SECISBP2L: variants seen among roughly 807,000 people sequenced by gnomAD.
SECISBP2L encodes the protein SECIS binding protein 2 like.
In SECISBP2L, 43 loss-of-function variants were observed where a neutral mutation model predicts 114.7. That is an observed-to-expected ratio of 0.38 (90% CI 0.29 to 0.48). The LOEUF (loss-of-function observed/expected upper bound fraction) is 0.48. Ranked by LOEUF, SECISBP2L falls within the 20% of genes least tolerant of loss-of-function variation. The pLI, the probability that SECISBP2L is intolerant of heterozygous loss-of-function variation, is 0.98. For synonymous variants in SECISBP2L, 451 were observed against 439.7 expected, an observed-to-expected ratio of 1.03 and a Z score of -0.32; for missense variants, 1,136 against 1,301.1, an observed-to-expected ratio of 0.87 and a Z score of 1.95.
At position 49,019,533 on chromosome 15, in the gene SECISBP2L, C is replaced by G; in HGVS notation, c.1055G>C (p.Gly352Ala). ...NNSQVGFRCR[G>A]HSTSSERRQN... is the part of the protein sequence containing the mutation. The stretch of plus-strand genomic sequence containing the variant: ...TCTTCTTTCTGAGGAAGTACTGTGT[C>G]CTCGGCATCTGAATCCAACCTAAGT... The change falls in exon 8 of 18, where the codon GGA (glycine) becomes GCA (alanine). Residue 352 changes from glycine (G) to alanine (A), a missense_variant. Gly to Ala is a moderately conservative substitution (Grantham distance 60, BLOSUM62 0). This residue lies in a region of SECISBP2L where 452 missense variants were observed against 452.3 expected (regional missense o/e 1.00). Transcript: ENST00000559471. The G allele has an allele frequency of 1.3e-6, 2 of 1,489,124 alleles. 1 individual carries two copies. The highest frequency in any genetic ancestry group is 2.8e-5 in the African/African-American group (2 of 70,406). The allele number at this position is 1,489,124 out of a possible 1,614,324, so 92.2% of individuals were successfully genotyped here. A position where few individuals can be genotyped will look rare whatever the true frequency, so the allele number is the denominator to read the frequency against.
At position 48,992,738 on chromosome 15, in the gene SECISBP2L, A is replaced by C. The variant is rs1293453030; in HGVS notation, c.2812T>G (p.Ser938Ala). 7.4e-6 allele frequency: 12 copies of C among 1,614,022 alleles called. No homozygotes were observed. In the East Asian group the frequency reaches 2.2e-4, roughly 30 times the overall value. Residue 938 changes from serine (S) to alanine (A), a missense_variant, in exon 18 of 18, where the codon TCC becomes GCC. Around this residue, in one of 2 missense-constraint regions of SECISBP2L, gnomAD observed 684 missense variants for 848.7 expected, o/e 0.81. Transcript: ENST00000559471. ...STTSATSAGKSTASDKEEVKP... is the reference protein window; with the variant it reads ...STTSATSAGKATASDKEEVKP... ...ACTTCCTCTTTATCACTTGCTGTGG[A>C]TTTCCCAGCACTTGTAGCTGAGGTA... is the stretch of plus-strand genomic sequence containing the variant.
chr15:49,028,594 G>A lies in SECISBP2L; in HGVS notation c.753C>T (p.Ser251=). 6.2e-7 allele frequency: 1 copy of A among 1,614,044 alleles called. No homozygotes were observed. Among genetic ancestry groups the A allele is most frequent in the Non-Finnish European group, 8.5e-7 (1 of 1,179,982 alleles). ...WKSKGRRRRA[S]HPTAESSSEQ... The stretch of plus-strand genomic sequence containing the variant: ...CACTAGAAGATTCAGCAGTAGGGTG[G>A]GATGCTCTTCTTCTCCTGCCCTTGG... Residue 251 remains serine (S), a synonymous_variant, in exon 5 of 18, where the codon TCC becomes TCT. Coordinates refer to ENST00000559471, the MANE Select transcript of SECISBP2L (RefSeq NM_001193489.2).
chr15:49,016,096 G>A (rs751914744), intron 11 of SECISBP2L, among the ~76,000 whole-genome samples: 1 of 152,202 alleles, frequency 6.6e-6, no homozygotes, highest in Non-Finnish European at 1.5e-5. Context: ...TTAGGAGTCT[G>A]GCTTCATGCC....
intron 16 of SECISBP2L, among the ~76,000 whole-genome samples, chr15:48,997,117 A>G (rs1356691817): frequency 6.6e-6 from 1 of 152,238 alleles, no homozygotes; most frequent in Admixed American, 6.5e-5. Flanking sequence ...AAAAGGTACA[A>G]TTTTGAGGGG....
chr15:49,005,927 A>G (rs911024192), intron 14 of SECISBP2L, among the ~76,000 whole-genome samples: 2 of 151,708 alleles, frequency 1.3e-5, no homozygotes, highest in African/African-American at 4.8e-5. Context: ...TTCCTTCAGG[A>G]GCTCTTGTAA....
rs1411215743 is a variant in SECISBP2L, at chr15:49,046,251, G to A, written c.24+25C>T. The A allele has an allele frequency of 3.2e-6, 5 of 1,566,424 alleles. No individual in the cohort carries two copies. The Admixed American group carries it at 7.4e-5, about 23-fold the overall frequency. On this transcript the variant is annotated intron_variant, in intron 1 of 17. Transcript: ENST00000559471. ...AGCGGCGACCCCAACCCCCGGCTCG[G>A]CGGGCCCAGCCCAAACCCGCGTACC...
rs1168511649 is a variant in SECISBP2L, at chr15:48,992,934, T to C, written c.2624-8A>G. On this transcript the variant is annotated splice_region_variant and splice_polypyrimidine_tract_variant and intron_variant, in intron 17 of 17. Coordinates refer to ENST00000559471, the MANE Select transcript of SECISBP2L (RefSeq NM_001193489.2). ...TGTTTCTCCAATTTGTTTCTACAAG[T>C]ATCAAGCAGATTTTTTAAAAACCAG... 6.3e-7 allele frequency: 1 copy of C among 1,598,880 alleles called. No homozygotes were observed. The highest frequency in any genetic ancestry group is 1.3e-5 in the African/African-American group (1 of 74,144).
In SECISBP2L at chr15:48,992,689, G is replaced by A; in HGVS notation, c.2861C>T (p.Ala954Val). ...EEVKPDDLEWASQQSTETGSL... is the reference protein window; with the variant it reads ...EEVKPDDLEWVSQQSTETGSL... ...GCCAGTCTCTGTACTCTGCTGTGAG[G>A]CCCATTCCAGGTCATCTGGCTTCAC... Residue 954 changes from alanine (A) to valine (V), a missense_variant, in exon 18 of 18, where the codon GCC becomes GTC. By Grantham distance (64) the Ala-to-Val change is moderately conservative (BLOSUM62 0). This residue lies in a region of SECISBP2L where 684 missense variants were observed against 848.7 expected (regional missense o/e 0.81). Transcript: ENST00000559471. The A allele has an allele frequency of 6.2e-7, 1 of 1,614,194 alleles. No individual in the cohort carries two copies. The highest frequency in any genetic ancestry group is 8.5e-7 in the Non-Finnish European group (1 of 1,180,036).
chr15:49,019,327 A>G, intron 8 of SECISBP2L, 91 bp downstream of exon 8: 1 of 1,053,032 alleles, frequency 9.5e-7, no homozygotes, highest in South Asian at 3.9e-5. Context: ...TAAGACATAA[A>G]AAGTACTCAC....
At position 49,037,462 on chromosome 15, in the gene SECISBP2L, T is replaced by C. The variant is rs957999748; in HGVS notation, c.203+129A>G. The stretch of plus-strand genomic sequence containing the variant: ...TATCAACAATTTCCAAATTTCAGTA[T>C]CATTTTATTTACTCCTCTTAATAGA... On this transcript the variant is annotated intron_variant, in intron 2 of 17. Transcript: ENST00000559471. 6.5e-6 allele frequency: 5 copies of C among 764,608 alleles called. No homozygotes were observed. In the Admixed American group the frequency reaches 1.6e-4, roughly 24 times the overall value. 47.4% of individuals were successfully genotyped at this position (764,608 alleles called of 1,614,324 possible).
In SECISBP2L at chr15:49,027,358, G is replaced by T; in HGVS notation, c.1035+7C>A. The T allele has an allele frequency of 6.3e-7, 1 of 1,592,916 alleles. No homozygotes were observed. Among genetic ancestry groups the T allele is most frequent in the South Asian group, 1.1e-5 (1 of 89,502 alleles). On this transcript the variant is annotated splice_region_variant and intron_variant, in intron 7 of 17. Coordinates refer to ENST00000559471, the MANE Select transcript of SECISBP2L (RefSeq NM_001193489.2). ...TAATCAATTTTCTCCAACCTAATTCGAATTACCTGTGAATTATTTCTTTGT... is the reference window on the plus strand; with the variant it reads ...TAATCAATTTTCTCCAACCTAATTCTAATTACCTGTGAATTATTTCTTTGT...
chr15:49,015,461 C>A (rs1255614867), intron 11 of SECISBP2L, among the ~76,000 whole-genome samples: 1 of 152,134 alleles, frequency 6.6e-6, no homozygotes, highest in Non-Finnish European at 1.5e-5. Flanking sequence ...TAAAATTATA[C>A]ACTGTAATTT....
chr15:49,020,875 CAATT>C (rs780622075), intron 7 of SECISBP2L, among the ~76,000 whole-genome samples: 4 of 151,808 alleles, frequency 2.6e-5, no homozygotes, highest in Admixed American at 6.5e-5. Context: ...ATAGATAAAA[CAATT>C]AGGAGAATAA....
Position 49,037,580 on chromosome 15 carries a change from A to T in SECISBP2L, c.203+11T>A. The T allele has an allele frequency of 1.2e-6, 2 of 1,608,288 alleles. No homozygotes were observed. The highest frequency in any genetic ancestry group is 1.7e-6 in the Non-Finnish European group (2 of 1,178,364). ...CCCCCACAAAAAAGAAAATAAAAAT[A>T]AACAAATTACCTATTGGACTGGTTT... On this transcript the variant is annotated intron_variant, in intron 2 of 17. Transcript: ENST00000559471.
rs1240075885 is a variant in SECISBP2L, at chr15:49,034,989, C to T, written c.528+345G>A. Among the ~76,000 whole-genome samples the T allele has an allele frequency of 6.1e-5, 9 of 148,552 alleles. No homozygotes were observed. The East Asian group carries it at 1.8e-3, about 30-fold the overall frequency. On this transcript the variant is annotated intron_variant, in intron 3 of 17. Transcript: ENST00000559471. ...TTGAAATATCTTGAAGTGCATTAGC[C>T]ATTCAACACAGCTAGCACAAGATCC...
intron 4 of SECISBP2L, among the ~76,000 whole-genome samples, chr15:49,030,966 T>A (rs1902871341): frequency 6.6e-6 from 1 of 152,194 alleles, no homozygotes; most frequent in South Asian, 2.1e-4. Flanking sequence ...GTTTATCAAG[T>A]TTCCCCAAAA....
chr15:49,020,905 G>A (rs1217093170), intron 7 of SECISBP2L, among the ~76,000 whole-genome samples: 2 of 151,972 alleles, frequency 1.3e-5, no homozygotes, highest in African/African-American at 2.4e-5. Flanking sequence ...TACAAATCTT[G>A]TTTCCAAGAT....
rs759908907 is a variant in SECISBP2L, at chr15:48,988,798, GT to G, written c.*3445del. On this transcript the variant is annotated 3_prime_UTR_variant, in exon 18 of 18. Coordinates refer to ENST00000559471, the MANE Select transcript of SECISBP2L (RefSeq NM_001193489.2). Reference sequence around the variant, plus strand: ...GTTATAACTCACACTAATTTTGCTAGTTTTTTATTAGAGCATTACAATTAAG... The same window carrying G: ...GTTATAACTCACACTAATTTTGCTAGTTTTTATTAGAGCATTACAATTAAG... 4.4e-6 allele frequency: 1 copy of G among 224,956 alleles called. No individual in the cohort carries two copies. The highest frequency in any genetic ancestry group is 9.2e-6 in the Non-Finnish European group (1 of 108,712). The allele number at this position is 224,956 out of a possible 1,614,324, so 13.9% of individuals were successfully genotyped here. A position where few individuals can be genotyped will look rare whatever the true frequency, so the allele number is the denominator to read the frequency against.
At chr15:49,006,841 C>T (rs548157120) in intron 14 of SECISBP2L, among the ~76,000 whole-genome samples, 8 of 152,188 alleles carry the variant, frequency 5.3e-5, no homozygotes, top group East Asian at 1.9e-4. Flanking sequence ...CCCTTGCTGG[C>T]GAGGAGTTGT....
Sources: allele counts gnomAD v4.1 joint callset (sites outside exome capture counted in the v4.1 genomes callset), GRCh38; gene constraint gnomAD v4.1.1; regional missense constraint gnomAD v4.1.1; transcripts MANE v1.5; gene names NCBI Gene and HGNC (gene_info 2026-07-23, HGNC 2026-07-21).